The following GRHPR variants were observed in gnomAD, a reference collection of about 807,000 sequenced individuals.
GRHPR encodes the protein glyoxylate and hydroxypyruvate reductase.
GRHPR carries 35 observed loss-of-function variants against 36.8 expected under a neutral mutation model. The observed-to-expected ratio is 0.95, with a 90% confidence interval of 0.73 to 1.26. The LOEUF (loss-of-function observed/expected upper bound fraction) is 1.26, where lower values mean the gene tolerates loss of function less well. Ranked by LOEUF, GRHPR falls within the 50% of genes most tolerant of loss-of-function variation. The pLI is 0.00. For missense variants in GRHPR, 380 were observed against 435.0 expected, an observed-to-expected ratio of 0.87 and a Z score of 1.12; for synonymous variants, 179 against 181.0, an observed-to-expected ratio of 0.99 and a Z score of 0.09.
chr9:37,436,334 T>C (rs1406337338), intron 8 of GRHPR, among the ~76,000 whole-genome samples: 1 of 152,222 alleles, frequency 6.6e-6, no homozygotes, highest in Non-Finnish European at 1.5e-5. Context: ...GGTCTCAAAC[T>C]CCTCAGCTCA....
chr9:37,428,366 G>A, intron 4 of GRHPR, 118 bp from the exon 5 acceptor site: 3 of 692,724 alleles, frequency 4.3e-6, no homozygotes, highest in Non-Finnish European at 8.0e-6. Context: ...CCCACTCTCA[G>A]TCCGTGACCT....
At chr9:37,431,404 G>A (rs1345026272) in intron 7 of GRHPR, 3 of 295,640 alleles carry the variant, frequency 1.0e-5, no homozygotes, top group African/African-American at 6.5e-5. Context: ...GTGCCTGCAT[G>A]TACCCAGGAC....
In GRHPR at chr9:37,425,070, TG is replaced by T. The variant is rs1823016604; in HGVS notation, c.214+98del. 96 of 1,337,068 alleles carry T rather than the reference TG, an allele frequency of 7.2e-5. No homozygotes were observed. The South Asian group carries it at 1.1e-3, about 16-fold the overall frequency. 82.8% of individuals were successfully genotyped at this position (1,337,068 alleles called of 1,614,324 possible). A position where few individuals can be genotyped will look rare whatever the true frequency, so the allele number is the denominator to read the frequency against. ...CTCCTGGCTGCTCTGCAGTGCTGTC[TG>T]GGTTCTGAGGGCGTTTCCTGCGATA... On this transcript the variant is annotated intron_variant, in intron 2 of 8. Transcript: ENST00000318158.
rs180177320 is a variant in GRHPR at position 37,424,836 on chromosome 9, TCCCC to T, written c.84-8_84-5del. On this transcript the variant is annotated splice_polypyrimidine_tract_variant and splice_region_variant and intron_variant, in intron 1 of 8. Coordinates refer to ENST00000318158, the MANE Select transcript of GRHPR (RefSeq NM_012203.2). ...CCTGCTTCTCCTGAGGGCCTCCCTT[TCCCC>T]GCAGCTGTGAGGTGGAGCAGTGGGA... 68 of 1,612,632 alleles carry T rather than the reference TCCCC, an allele frequency of 4.2e-5. No homozygotes were observed. In the South Asian group the frequency reaches 7.5e-4, roughly 18 times the overall value.
At chr9:37,425,847 C>T (rs767700206) in intron 2 of GRHPR, 75 bp from the exon 3 acceptor site, 104 of 905,058 alleles carry the variant, frequency 1.1e-4, no homozygotes, top group Non-Finnish European at 1.9e-4. Context: ...AAGCGGTGTC[C>T]CCATGATAGT....
intron 8 of GRHPR, chr9:37,434,042 C>A: frequency 2.5e-6 from 1 of 392,798 alleles, no homozygotes; most frequent in Non-Finnish European, 4.5e-6. Context: ...CACCCCCACC[C>A]TAGGTCCTGG....
intron 1 of GRHPR, among the ~76,000 whole-genome samples, chr9:37,423,051 C>A (rs975012397): frequency 1.3e-5 from 2 of 152,134 alleles, no homozygotes; most frequent in Non-Finnish European, 2.9e-5. Context: ...AAGGTCCAGG[C>A]TAATTCTCCA....
intron 4 of GRHPR, chr9:37,428,084 G>A (rs1288480383): frequency 3.0e-6 from 1 of 335,370 alleles, no homozygotes; most frequent in East Asian, 7.7e-5. Flanking sequence ...GCAGCAGGGT[G>A]GGCCCTGTGG....
chr9:37,432,478 G>GACCAA (rs1823418776), intron 8 of GRHPR: 1 of 335,756 alleles, frequency 3.0e-6, no homozygotes, highest in East Asian at 7.5e-5. Context: ...AGGGGTTCGA[G>GACCAA]ACCAACCTGG....
downstream of GRHPR, among the ~76,000 whole-genome samples, chr9:37,437,378 C>T (rs1823723805): frequency 6.6e-6 from 1 of 152,156 alleles, no homozygotes; most frequent in African/African-American, 2.4e-5. Context: ...GGAACGTGTC[C>T]AAACCACCTT....
intron 8 of GRHPR, among the ~76,000 whole-genome samples, chr9:37,433,228 ATTTT>A (rs11345501): frequency 7.2e-5 from 7 of 97,200 alleles, no homozygotes; most frequent in Admixed American, 3.6e-4. Flanking sequence ...TGGTTCTCAC[ATTTT>A]TTTTTTTTTT....
chr9:37,432,322 C>T (rs542673289), intron 8 of GRHPR, 184 bp downstream of exon 8: 36 of 621,874 alleles, frequency 5.8e-5, no homozygotes, highest in Non-Finnish European at 8.7e-5. Flanking sequence ...AGTCCTCTTG[C>T]GCATGCTCTG....
At position 37,424,868 on chromosome 9, in the gene GRHPR, C is replaced by T. The variant is rs768530117; in HGVS notation, c.107C>T (p.Ser36Leu). 3.9e-5 allele frequency: 63 copies of T among 1,613,216 alleles called. No homozygotes were observed. The highest frequency in any genetic ancestry group is 1.0e-4 in the Admixed American group (6 of 59,992). ...AGCTGTGAGGTGGAGCAGTGGGACT[C>T]GGATGAGCCCATCCCTGCCAAGGAG... is the stretch of plus-strand genomic sequence containing the variant. ...AADCEVEQWD[S>L]DEPIPAKELE... Residue 36 changes from serine (S) to leucine (L), a missense_variant, in exon 2 of 9, where the codon TCG becomes TTG. Coordinates refer to ENST00000318158, the MANE Select transcript of GRHPR (RefSeq NM_012203.2).
chr9:37,430,526 T>G lies in GRHPR; in HGVS notation c.614T>G (p.Leu205Arg). ...FQAEFVSTPELAAQSDFIVVA... is the reference protein window; with the variant it reads ...FQAEFVSTPERAAQSDFIVVA... Reference sequence around the variant, plus strand: ...CCTCCCTCAGTGTCTACCCCTGAGCTGGCTGCCCAATCTGATTTCATCGTC... The same window carrying G: ...CCTCCCTCAGTGTCTACCCCTGAGCGGGCTGCCCAATCTGATTTCATCGTC... Residue 205 changes from leucine (L) to arginine (R), a missense_variant, in exon 7 of 9, where the codon CTG becomes CGG. Physicochemically the swap from Leu to Arg is moderately radical, Grantham distance 102 (BLOSUM62 -2). Transcript: ENST00000318158. 1 of 1,614,022 alleles carries G rather than the reference T, an allele frequency of 6.2e-7. No individual in the cohort carries two copies.
rs780431255 is a variant in GRHPR, at chr9:37,422,731, G to C, written c.-20G>C. On this transcript the variant is annotated 5_prime_UTR_variant, in exon 1 of 9. Coordinates refer to ENST00000318158, the MANE Select transcript of GRHPR (RefSeq NM_012203.2). ...GCCAGCTTCTGTACTGCCAGGTCCG[G>C]GTCGGCGGCTGCACTGCGGATGAGA... The C allele has an allele frequency of 5.8e-6, 9 of 1,556,832 alleles. No homozygotes were observed. Among genetic ancestry groups the C allele is most frequent in the Non-Finnish European group, 7.8e-6 (9 of 1,148,580 alleles).
At chr9:37,432,643 A>G (rs947645262) in intron 8 of GRHPR, 4 of 197,998 alleles carry the variant, frequency 2.0e-5, no homozygotes, top group African/African-American at 9.3e-5. Context: ...GTGCCACTGC[A>G]CTCCAGCCTG....
At chr9:37,438,436 C>CCTTA (rs956323942), downstream of GRHPR, 2 of 152,548 alleles carry the variant, frequency 1.3e-5, no homozygotes, top group Non-Finnish European at 2.9e-5. Flanking sequence ...AACTGACAGA[C>CCTTA]TAAGAGGTAG....
chr9:37,436,575 G>T (rs932159326), intron 8 of GRHPR, 86 bp from the exon 9 acceptor site: 10 of 1,469,778 alleles, frequency 6.8e-6, no homozygotes, highest in African/African-American at 2.8e-5. Context: ...TCTTCTTACC[G>T]GCAAACCCAA....
intron 8 of GRHPR, chr9:37,434,953 C>G (rs1823570593): frequency 1.3e-5 from 2 of 152,246 alleles, no homozygotes; most frequent in Admixed American, 1.3e-4. Flanking sequence ...CATTATATGT[C>G]TGAAACGTTG....
Sources: gnomAD v4.1 joint callset for allele counts (sites outside exome capture counted in the v4.1 genomes callset) on GRCh38, gnomAD v4.1.1 for gene constraint, MANE v1.5 for transcripts, NCBI Gene and HGNC (gene_info 2026-07-23, HGNC 2026-07-21) for gene names.